The following TRAK1 variants were observed in gnomAD, a reference collection of about 807,000 sequenced individuals.
TRAK1 encodes the protein trafficking kinesin-binding protein 1.
Under a neutral mutation model 92.1 loss-of-function variants are expected in TRAK1, and 33 were observed. The observed-to-expected ratio is 0.36, with a 90% CI of 0.27 to 0.48. The LOEUF (loss-of-function observed/expected upper bound fraction) is 0.48, where lower values mean the gene tolerates loss of function less well. Ranked by LOEUF, TRAK1 falls within the 20% of genes least tolerant of loss-of-function variation. The probability of loss-of-function intolerance (pLI) is 0.99; values close to 1 mark genes in which losing one functional copy is unlikely to be tolerated. For missense variants in TRAK1, 1,123 were observed against 1,257.9 expected (o/e 0.89, Z 1.62); for synonymous variants, 521 against 517.3 (o/e 1.01, Z -0.10).
chr3:42,081,239 C>T (rs547882972), intron 1 of TRAK1, among the ~76,000 whole-genome samples: 6 of 152,282 alleles, frequency 3.9e-5, no homozygotes, highest in Non-Finnish European at 7.4e-5. Flanking sequence ...AAACTCGAGC[C>T]AGCCTAGAGA....
Position 42,165,962 on chromosome 3 carries a change from ACT to A in TRAK1, c.287-10849_287-10848del, listed in dbSNP as rs1046767209. Among the ~76,000 whole-genome samples, 68 of 151,258 alleles carry A rather than the reference ACT, an allele frequency of 4.5e-4. 1 individual carries two copies. Among genetic ancestry groups the A allele is most frequent in the African/African-American group, 1.6e-3 (67 of 41,174 alleles). On this transcript the variant is annotated intron_variant, in intron 2 of 15. Transcript: ENST00000327628. Reference sequence around the variant, plus strand: ...CTCTGTATTTTGGGGTCCTTTTGCCACTCTGCCCATTTCTGGGGCCTGTCCCG... The same window carrying A: ...CTCTGTATTTTGGGGTCCTTTTGCCACTGCCCATTTCTGGGGCCTGTCCCG...
Position 42,202,399 on chromosome 3 carries a change from G to A in TRAK1, c.1428-37G>A. The A allele has an allele frequency of 1.4e-6, 2 of 1,456,974 alleles. No homozygotes were observed. Among genetic ancestry groups the A allele is most frequent in the Non-Finnish European group, 1.8e-6 (2 of 1,099,838 alleles). The allele number at this position is 1,456,974 out of a possible 1,614,324, so 90.3% of individuals were successfully genotyped here. ...CGGGCCTCTGTGGCCTTGGAGCCCT[G>A]CTGGCATTCCACCCTCACACCCCTT... On this transcript the variant is annotated intron_variant, in intron 12 of 15. Transcript: ENST00000327628. This position sits in a 1 kb window ranked among gnomAD's most constrained non-coding sequence, Gnocchi z 6.1.
intron 14 of TRAK1, chr3:42,210,868 G>GA (rs1275307157): frequency 1.1e-4 from 103 of 976,726 alleles, no homozygotes; most frequent in Non-Finnish European, 1.2e-4. Context: ...AAGCATTAAA[G>GA]GTGTGGCCAT....
chr3:42,202,334 T>C lies in TRAK1; in HGVS notation c.1428-102T>C. 3 of 1,237,694 alleles carry C rather than the reference T, an allele frequency of 2.4e-6. No homozygotes were observed. Among genetic ancestry groups the C allele is most frequent in the East Asian group, 2.8e-5 (1 of 35,928 alleles). The allele number at this position is 1,237,694 out of a possible 1,614,324, so 76.7% of individuals were successfully genotyped here. The stretch of plus-strand genomic sequence containing the variant: ...TTGCCTTGGTTCCCATGGAGAATCC[T>C]GTAGCCCCAGGGAACGTCCACCGCT... On this transcript the variant is annotated intron_variant, in intron 12 of 15. Transcript: ENST00000327628. The surrounding 1 kb of genome is among the most constrained non-coding windows in gnomAD (Gnocchi z 6.1).
chr3:42,074,967 G>C (rs1168823156), intron 1 of TRAK1, among the ~76,000 whole-genome samples: 1 of 152,070 alleles, frequency 6.6e-6, no homozygotes, highest in African/African-American at 2.4e-5. Flanking sequence ...TTGGTTTTCT[G>C]TTCCTGCATT....
intron 1 of TRAK1, among the ~76,000 whole-genome samples, chr3:42,108,787 G>A (rs1046033174): frequency 1.3e-5 from 2 of 151,982 alleles, no homozygotes; most frequent in Admixed American, 6.6e-5. Context: ...CCACCAAGAG[G>A]CATGACAATA....
chr3:42,202,139 C>T lies in TRAK1; in HGVS notation c.1428-297C>T, dbSNP rs1230236611. Among the ~76,000 whole-genome samples, 1 of 152,218 alleles carries T rather than the reference C, an allele frequency of 6.6e-6. No individual in the cohort carries two copies. The highest frequency in any genetic ancestry group is 1.9e-4 in the East Asian group (1 of 5,170). On this transcript the variant is annotated intron_variant, in intron 12 of 15. Transcript: ENST00000327628. This position sits in a 1 kb window ranked among gnomAD's most constrained non-coding sequence, Gnocchi z 6.1. The stretch of plus-strand genomic sequence containing the variant: ...AGGAACAGCAACCTACAGGTTTCTT[C>T]CTAAAGGTTCTTCAGGGAGATGTTT...
intron 1 of TRAK1, among the ~76,000 whole-genome samples, chr3:42,017,234 C>G (rs1366457904): frequency 6.6e-6 from 1 of 152,156 alleles, no homozygotes; most frequent in Admixed American, 6.5e-5. Flanking sequence ...GCACTCCTGC[C>G]TGGGCGACAG....
intron 1 of TRAK1, among the ~76,000 whole-genome samples, chr3:42,124,513 T>C (rs768239589): frequency 3.9e-5 from 6 of 152,224 alleles, no homozygotes; most frequent in Non-Finnish European, 7.3e-5. Flanking sequence ...CATGTTTGCA[T>C]TTTAAAGGCC....
chr3:42,081,295 C>A (rs1309178204), intron 1 of TRAK1, among the ~76,000 whole-genome samples: 3 of 152,188 alleles, frequency 2.0e-5, no homozygotes, highest in Admixed American at 6.5e-5. Flanking sequence ...AGGAGTCCCT[C>A]AGGTGGTTTT....
chr3:42,021,987 C>T (rs572855144), intron 1 of TRAK1, among the ~76,000 whole-genome samples: 2 of 152,268 alleles, frequency 1.3e-5, no homozygotes, highest in South Asian at 2.1e-4. Flanking sequence ...ATCCATTCAT[C>T]CAAAAATAGT....
At position 42,223,187 on chromosome 3, in the gene TRAK1, A is replaced by G. The variant is rs1226803122; in HGVS notation, c.2312A>G (p.Tyr771Cys). The change falls in exon 16 of 16, where the codon TAC becomes TGC. Residue 771 changes from tyrosine (Y) to cysteine (C), a missense_variant. By Grantham distance (194) the Tyr-to-Cys change is radical (BLOSUM62 -2). Around this residue, in one of 3 missense-constraint regions of TRAK1, gnomAD observed 401 missense variants for 438.9 expected, o/e 0.91. Coordinates refer to ENST00000327628, the MANE Select transcript of TRAK1 (RefSeq NM_001042646.3). This position sits in a 1 kb window ranked among gnomAD's most constrained non-coding sequence, Gnocchi z 6.1. ...RAGRGSLLHS[Y>C]TPKMAVIPST... Reference sequence around the variant, plus strand: ...GGCCGGGGCTCCCTCCTGCACTCCTACACGCCCAAGATGGCTGTGATCCCC... The same window carrying G: ...GGCCGGGGCTCCCTCCTGCACTCCTGCACGCCCAAGATGGCTGTGATCCCC... 2.5e-6 allele frequency: 4 copies of G among 1,613,900 alleles called. No individual in the cohort carries two copies. Among genetic ancestry groups the G allele is most frequent in the Non-Finnish European group, 3.4e-6 (4 of 1,179,960 alleles).
chr3:42,077,612 C>T (rs2148946178), intron 1 of TRAK1, among the ~76,000 whole-genome samples: 1 of 152,300 alleles, frequency 6.6e-6, no homozygotes, highest in Non-Finnish European at 1.5e-5. Context: ...TTTGTGTCAT[C>T]TCTGATTTCT....
intron 12 of TRAK1, among the ~76,000 whole-genome samples, chr3:42,201,422 C>G (rs1258312626): frequency 1.3e-5 from 2 of 151,974 alleles, no homozygotes; most frequent in East Asian, 3.9e-4. Flanking sequence ...AATTGCACCA[C>G]TGCACTCCTG....
intron 1 of TRAK1, among the ~76,000 whole-genome samples, chr3:42,021,886 A>T (rs1294356036): frequency 6.6e-6 from 1 of 152,140 alleles, no homozygotes; most frequent in Non-Finnish European, 1.5e-5. Flanking sequence ...TCATACAGTT[A>T]TTAAGAGGAT....
intron 2 of TRAK1, chr3:42,149,476 G>A (rs1398990920): frequency 4.4e-5 from 68 of 1,535,392 alleles, no homozygotes; most frequent in Non-Finnish European, 5.5e-5. Flanking sequence ...GCATGGCAGC[G>A]TTTTACTTGA....
At chr3:42,126,646 A>C (rs1198120198) in intron 2 of TRAK1, among the ~76,000 whole-genome samples, 1 of 152,176 alleles carries the variant, frequency 6.6e-6, no homozygotes. Flanking sequence ...GTGTCACTTA[A>C]AAAAAAGTAT....
At chr3:42,100,577 A>G (rs1706606056) in intron 1 of TRAK1, among the ~76,000 whole-genome samples, 1 of 152,222 alleles carries the variant, frequency 6.6e-6, no homozygotes, top group Non-Finnish European at 1.5e-5. Context: ...TTTCTTGTGT[A>G]GACTCATGTA....
At chr3:42,145,081 A>G (rs17286848) in intron 2 of TRAK1, among the ~76,000 whole-genome samples, 22,454 of 152,238 alleles carry the variant, frequency 0.15, 1,935 homozygotes, top group Non-Finnish European at 0.2. Context: ...ACACAGTCAT[A>G]ATCTTCCACC....
Sources: allele counts gnomAD v4.1 joint callset (sites outside exome capture counted in the v4.1 genomes callset), GRCh38; gene constraint gnomAD v4.1.1; regional missense constraint gnomAD v4.1.1; non-coding constraint Gnocchi (gnomAD v3.1); transcripts MANE v1.5; gene names NCBI Gene and HGNC (gene_info 2026-07-23, HGNC 2026-07-21).